Variants in DTWD2 observed in about 807,000 individuals in gnomAD.
DTWD2 encodes the protein tRNA-uridine aminocarboxypropyltransferase 2.
A neutral mutation model predicts 31.8 loss-of-function variants in DTWD2; 39 were observed. The ratio of observed to expected loss-of-function variants is 1.22; its 90% CI spans 0.95 to 1.60. DTWD2 has a LOEUF of 1.60. DTWD2 is among the 40% of genes most tolerant of loss of function. The pLI is 0.00. For missense variants in DTWD2, 515 were observed against 381.5 expected (o/e 1.35, Z -2.92); for synonymous variants, 180 against 142.8 (o/e 1.26, Z -1.86).
chr5:118,949,011 T>C (rs1754400084), intron 1 of DTWD2, among the ~76,000 whole-genome samples: 1 of 152,166 alleles, frequency 6.6e-6, no homozygotes, highest in African/African-American at 2.4e-5. Flanking sequence ...AGAACGTGTG[T>C]TTTTATTAAG....
chr5:118,967,286 T>C (rs1754874293), intron 1 of DTWD2, among the ~76,000 whole-genome samples: 1 of 152,188 alleles, frequency 6.6e-6, no homozygotes, highest in Non-Finnish European at 1.5e-5. Flanking sequence ...GGTGTACATA[T>C]AGATTTAGAA....
At chr5:118,932,118 G>A (rs1017291742) in intron 3 of DTWD2, among the ~76,000 whole-genome samples, 1 of 151,914 alleles carries the variant, frequency 6.6e-6, no homozygotes, top group African/African-American at 2.4e-5. Flanking sequence ...TGCACATTAA[G>A]AAAAAGGAAA....
At chr5:118,897,547 C>A (rs1283667875) in intron 4 of DTWD2, among the ~76,000 whole-genome samples, 4 of 152,182 alleles carry the variant, frequency 2.6e-5, no homozygotes, top group African/African-American at 9.7e-5. Flanking sequence ...ATTCTCAGAT[C>A]CCAGACAAAG....
intron 1 of DTWD2, among the ~76,000 whole-genome samples, chr5:118,963,219 A>C (rs1316167854): frequency 6.6e-6 from 1 of 152,270 alleles, no homozygotes; most frequent in East Asian, 1.9e-4. Context: ...AGGAGTTAGA[A>C]GAAGAAACTA....
intron 4 of DTWD2, among the ~76,000 whole-genome samples, chr5:118,852,153 C>T (rs1352140497): frequency 1.3e-5 from 2 of 152,198 alleles, no homozygotes; most frequent in Non-Finnish European, 2.9e-5. Flanking sequence ...AAAAATATGG[C>T]TCTTTTTGCC....
At position 118,975,276 on chromosome 5, in the gene DTWD2, A is replaced by G. The variant is rs572959680; in HGVS notation, c.218+13018T>C. Reference sequence around the variant, plus strand: ...CTTCACGCTTTATTTCATTGAGTTTATCTTCAATTTCTGATATCCTTTCTT... The same window carrying G: ...CTTCACGCTTTATTTCATTGAGTTTGTCTTCAATTTCTGATATCCTTTCTT... On this transcript the variant is annotated intron_variant, in intron 1 of 5. Coordinates refer to ENST00000510708, the MANE Select transcript of DTWD2 (RefSeq NM_173666.4). Among the ~76,000 whole-genome samples the G allele has an allele frequency of 2.0e-5, 3 of 151,870 alleles. No homozygotes were observed. The East Asian group carries it at 5.8e-4, about 29-fold the overall frequency.
At chr5:118,918,625 T>A (rs938320871) in intron 4 of DTWD2, among the ~76,000 whole-genome samples, 1 of 152,114 alleles carries the variant, frequency 6.6e-6, no homozygotes, top group East Asian at 1.9e-4. Context: ...TTTACCATCA[T>A]CCAATGCCAA....
At chr5:118,961,193 C>A (rs1754698854) in intron 1 of DTWD2, among the ~76,000 whole-genome samples, 1 of 152,118 alleles carries the variant, frequency 6.6e-6, no homozygotes, top group Admixed American at 6.5e-5. Context: ...CTAGAAAAGC[C>A]CCTACTAAAA....
intron 3 of DTWD2, among the ~76,000 whole-genome samples, chr5:118,931,980 G>T (rs117590925): frequency 6.6e-6 from 1 of 152,064 alleles, no homozygotes; most frequent in African/African-American, 2.4e-5. Context: ...AGTAAACCAC[G>T]GGTCAAGAGA....
At chr5:118,899,521 C>T (rs1015011517) in intron 4 of DTWD2, among the ~76,000 whole-genome samples, 3 of 152,162 alleles carry the variant, frequency 2.0e-5, no homozygotes, top group Non-Finnish European at 2.9e-5. Context: ...TGACTGCATA[C>T]ATAAGCGTTT....
In DTWD2 at chr5:118,849,001, C is replaced by A. The variant is rs908845425; in HGVS notation, c.598-783G>T. On this transcript the variant is annotated intron_variant, in intron 4 of 5. Coordinates refer to ENST00000510708, the MANE Select transcript of DTWD2 (RefSeq NM_173666.4). ...TATGACTAAAACACCAAAGCAATGG[C>A]AGCAAAAGCCAAAATTGACAAATGG... is the stretch of plus-strand genomic sequence containing the variant. 1.1e-3 allele frequency among the ~76,000 whole-genome samples: 166 copies of A among 152,308 alleles called. 3 individuals are homozygous for A. The highest frequency in any genetic ancestry group is 0.011 in the Admixed American group (164 of 15,302).
At chr5:118,959,730 C>T (rs545889829) in intron 1 of DTWD2, among the ~76,000 whole-genome samples, 3 of 152,284 alleles carry the variant, frequency 2.0e-5, no homozygotes, top group East Asian at 1.9e-4. Context: ...GTAACCAAAA[C>T]AGCATGGTAC....
At chr5:118,934,548 T>C (rs1753995898) in intron 3 of DTWD2, among the ~76,000 whole-genome samples, 1 of 151,846 alleles carries the variant, frequency 6.6e-6, no homozygotes, top group Non-Finnish European at 1.5e-5. Flanking sequence ...CATAGTATAA[T>C]CCAAAGACTA....
In DTWD2 at chr5:118,851,594, C is replaced by T. The variant is rs185261544; in HGVS notation, c.598-3376G>A. The stretch of plus-strand genomic sequence containing the variant: ...ATAAGTGTCTATGTTCAGCTGTGCA[C>T]GTATTGTCTTGATAAACATCTTAAC... On this transcript the variant is annotated intron_variant, in intron 4 of 5. Transcript: ENST00000510708. Among the ~76,000 whole-genome samples the T allele has an allele frequency of 4.0e-5, 6 of 148,748 alleles. No homozygotes were observed. The East Asian group carries it at 6.0e-4, about 15-fold the overall frequency.
intron 4 of DTWD2, among the ~76,000 whole-genome samples, chr5:118,885,723 G>A (rs1313621563): frequency 6.7e-6 from 1 of 148,944 alleles, no homozygotes; most frequent in Non-Finnish European, 1.5e-5. Flanking sequence ...CCAAAATTGT[G>A]CCATTGCACT....
At chr5:118,970,034 C>T (rs1008647499) in intron 1 of DTWD2, among the ~76,000 whole-genome samples, 47 of 152,090 alleles carry the variant, frequency 3.1e-4, no homozygotes, top group African/African-American at 1.1e-3. Context: ...ATTCACAATG[C>T]AATCACAAGT....
Position 118,836,213 on chromosome 5 carries a change from TGTTA to T in DTWD2, c.*4700_*4703del, listed in dbSNP as rs1361330787. 6.6e-6 allele frequency among the ~76,000 whole-genome samples: 1 copy of T among 152,178 alleles called. No individual in the cohort carries two copies. The highest frequency in any genetic ancestry group is 1.5e-5 in the Non-Finnish European group (1 of 68,022). On this transcript the variant is annotated 3_prime_UTR_variant, in exon 6 of 6. Transcript: ENST00000510708. ...TTTCTTTTAAAAATAATTCTTACGT[TGTTA>T]GTTCAAGTGAATCTTATTTTTATTT... is the stretch of plus-strand genomic sequence containing the variant.
chr5:118,973,817 A>G (rs1755058106), intron 1 of DTWD2: 1 of 1,612,282 alleles, frequency 6.2e-7, no homozygotes, highest in South Asian at 1.1e-5. Context: ...AGCCGTAGAC[A>G]CCAGCTCCGA....
At chr5:118,893,890 C>T (rs1055424659) in intron 4 of DTWD2, among the ~76,000 whole-genome samples, 2 of 152,092 alleles carry the variant, frequency 1.3e-5, no homozygotes. Context: ...TGCCAACAAG[C>T]CAAATGACAA....
Sources: gnomAD v4.1 joint callset for allele counts (sites outside exome capture counted in the v4.1 genomes callset) on GRCh38, gnomAD v4.1.1 for gene constraint, MANE v1.5 for transcripts, NCBI Gene and HGNC (gene_info 2026-07-23, HGNC 2026-07-21) for gene names.